SLC25A13: variants seen among roughly 807,000 people sequenced by gnomAD.
SLC25A13 encodes solute carrier family 25 member 13.
In SLC25A13, 70 loss-of-function variants were observed where a neutral mutation model predicts 85.5. The ratio of observed to expected loss-of-function variants is 0.82; its 90% CI spans 0.68 to 1.00. SLC25A13 has a LOEUF of 1.00. Among genes scored for constraint, SLC25A13 ranks in the 50% least tolerant of loss-of-function variants. SLC25A13 has a pLI of 0.00. For synonymous variants in SLC25A13, 259 were observed against 288.7 expected (o/e 0.90, Z 1.04); for missense variants, 765 against 819.8 (o/e 0.93, Z 0.82).
chr7:96,284,773 A>G (rs909998297), intron 2 of SLC25A13, among the ~76,000 whole-genome samples: 15 of 152,136 alleles, frequency 9.9e-5, no homozygotes, highest in Non-Finnish European at 1.8e-4. Flanking sequence ...TAAGACGAGA[A>G]TTTGTTTCTC....
intron 13 of SLC25A13, among the ~76,000 whole-genome samples, chr7:96,158,174 G>T (rs958790040): frequency 6.6e-6 from 1 of 152,100 alleles, no homozygotes; most frequent in Non-Finnish European, 1.5e-5. Context: ...TTTATTAAAT[G>T]AGGTAGTATT....
chr7:96,300,877 C>A (rs1054091981), intron 1 of SLC25A13, among the ~76,000 whole-genome samples: 1 of 152,200 alleles, frequency 6.6e-6, no homozygotes, highest in Non-Finnish European at 1.5e-5. Flanking sequence ...ATCTATTATT[C>A]ACCAGTCAAA....
At chr7:96,280,319 G>A (rs1309792063) in intron 2 of SLC25A13, among the ~76,000 whole-genome samples, 2 of 152,008 alleles carry the variant, frequency 1.3e-5, no homozygotes, top group Non-Finnish European at 2.9e-5. Flanking sequence ...TTTTACACTT[G>A]GAAATTTTTT....
intron 5 of SLC25A13, among the ~76,000 whole-genome samples, chr7:96,204,947 T>C (rs10248373): frequency 0.98 from 149,485 of 152,276 alleles, 73,434 homozygotes; most frequent in Non-Finnish European, 1. Context: ...CTTGCTCTGT[T>C]GCTCAGGCTG....
At chr7:96,212,761 G>A (rs1425582096) in intron 4 of SLC25A13, among the ~76,000 whole-genome samples, 3 of 152,172 alleles carry the variant, frequency 2.0e-5, no homozygotes, top group Non-Finnish European at 4.4e-5. Context: ...TAAAGCCCCC[G>A]GGGCATGATG....
chr7:96,233,491 C>A (rs1796633144), intron 4 of SLC25A13, among the ~76,000 whole-genome samples: 1 of 152,190 alleles, frequency 6.6e-6, no homozygotes. Flanking sequence ...ATCTGATCTT[C>A]TAGAAACCGG....
At position 96,121,932 on chromosome 7, in the gene SLC25A13, G is replaced by A. The variant is rs761602352; in HGVS notation, c.1657C>T (p.Arg553Trp). 11 of 1,613,930 alleles carry A rather than the reference G, an allele frequency of 6.8e-6. No homozygotes were observed. Among genetic ancestry groups the A allele is most frequent in the East Asian group, 6.7e-5 (3 of 44,878 alleles). Residue 553 changes from arginine (R) to tryptophan (W), a missense_variant, in exon 16 of 18, where the codon CGG (arginine) becomes TGG (tryptophan). By Grantham distance (101) the Arg-to-Trp change is moderately radical. Transcript: ENST00000265631. ...CCGCTGTAAGTGGTTTGGCCAGCCC[G>A]GGCAGCCACCTGTAATCTCGTCTTG... ...VIKTRLQVAA[R>W]AGQTTYSGVI... is the part of the protein sequence containing the mutation.
At chr7:96,215,328 C>T (rs1227011121) in intron 4 of SLC25A13, among the ~76,000 whole-genome samples, 3 of 152,102 alleles carry the variant, frequency 2.0e-5, no homozygotes, top group Non-Finnish European at 4.4e-5. Flanking sequence ...AACTCCTGAC[C>T]TCGTGATCCA....
chr7:96,178,062 G>C (rs1794292148), intron 11 of SLC25A13, among the ~76,000 whole-genome samples: 1 of 152,104 alleles, frequency 6.6e-6, no homozygotes, highest in Non-Finnish European at 1.5e-5. Context: ...CATGTAGCAG[G>C]CATCCACATC....
intron 2 of SLC25A13, among the ~76,000 whole-genome samples, chr7:96,289,690 G>C (rs1030503947): frequency 2.0e-5 from 3 of 152,138 alleles, no homozygotes; most frequent in Non-Finnish European, 2.9e-5. Context: ...GAAATGAAGC[G>C]AGAAGAGAAG....
chr7:96,214,144 G>T (rs1045120721), intron 4 of SLC25A13, among the ~76,000 whole-genome samples: 2 of 152,120 alleles, frequency 1.3e-5, no homozygotes, highest in African/African-American at 4.8e-5. Flanking sequence ...ATCATGAGAA[G>T]ACAATTACAA....
intron 4 of SLC25A13, among the ~76,000 whole-genome samples, chr7:96,209,526 G>A (rs1036740191): frequency 3.9e-5 from 6 of 151,974 alleles, no homozygotes; most frequent in African/African-American, 1.5e-4. Flanking sequence ...ACACTTTATC[G>A]AGCTGCACGT....
Position 96,120,657 on chromosome 7 carries a change from A to C in SLC25A13, c.*534T>G, listed in dbSNP as rs1014265735. Reference sequence around the variant, plus strand: ...TTCATTACAAAGAAACATGTTTCACATAAAAGCTTCATAATATAATCCAGA... The same window carrying C: ...TTCATTACAAAGAAACATGTTTCACCTAAAAGCTTCATAATATAATCCAGA... On this transcript the variant is annotated 3_prime_UTR_variant, in exon 18 of 18. Coordinates refer to ENST00000265631, the MANE Select transcript of SLC25A13 (RefSeq NM_014251.3). 1 of 454,442 alleles carries C rather than the reference A, an allele frequency of 2.2e-6. No homozygotes were observed. The highest frequency in any genetic ancestry group is 4.4e-6 in the Non-Finnish European group (1 of 226,800). The allele number at this position is 454,442 out of a possible 1,614,324, so 28.2% of individuals were successfully genotyped here. A position where few individuals can be genotyped will look rare whatever the true frequency, so the allele number is the denominator to read the frequency against.
intron 14 of SLC25A13, among the ~76,000 whole-genome samples, chr7:96,135,254 C>G (rs1792226723): frequency 6.6e-6 from 1 of 152,178 alleles, no homozygotes; most frequent in Admixed American, 6.5e-5. Flanking sequence ...CCTGCCTCTC[C>G]TAGCACCTTC....
chr7:96,306,820 G>A, intron 1 of SLC25A13: 1 of 1,401,444 alleles, frequency 7.1e-7, no homozygotes, highest in African/African-American at 1.4e-5. Context: ...GGACTCAGGA[G>A]ATCATGCAGC....
chr7:96,322,057 G>C lies in SLC25A13; in HGVS notation c.-101C>G. On this transcript the variant is annotated 5_prime_UTR_variant, in exon 1 of 18. Coordinates refer to ENST00000265631, the MANE Select transcript of SLC25A13 (RefSeq NM_014251.3). The stretch of plus-strand genomic sequence containing the variant: ...CTAGTCCCGGCGGCGGCGGCGGTGG[G>C]GGCGGCGATACGGCCAGGCAGCGTG... The C allele has an allele frequency of 4.1e-6, 6 of 1,461,988 alleles. No homozygotes were observed. The highest frequency in any genetic ancestry group is 5.5e-6 in the Non-Finnish European group (6 of 1,085,160). 90.6% of individuals were successfully genotyped at this position (1,461,988 alleles called of 1,614,324 possible).
chr7:96,243,154 C>T (rs1046879208), intron 3 of SLC25A13, among the ~76,000 whole-genome samples: 2 of 152,232 alleles, frequency 1.3e-5, no homozygotes, highest in South Asian at 2.1e-4. Flanking sequence ...TTAGTAGAGA[C>T]AGGGTTTCAC....
intron 13 of SLC25A13, among the ~76,000 whole-genome samples, chr7:96,150,459 G>A (rs1418544858): frequency 6.6e-6 from 1 of 152,116 alleles, no homozygotes; most frequent in Non-Finnish European, 1.5e-5. Flanking sequence ...TTGAAGCACA[G>A]AAAGATTAAA....
intron 2 of SLC25A13, among the ~76,000 whole-genome samples, chr7:96,278,905 T>C (rs1798561485): frequency 6.6e-6 from 1 of 152,248 alleles, no homozygotes; most frequent in African/African-American, 2.4e-5. Flanking sequence ...ATCTTATGAC[T>C]TAGTAATTAT....
Sources: allele counts gnomAD v4.1 joint callset (sites outside exome capture counted in the v4.1 genomes callset), GRCh38; gene constraint gnomAD v4.1.1; transcripts MANE v1.5; gene names NCBI Gene and HGNC (gene_info 2026-07-23, HGNC 2026-07-21).